Variants in IDUA observed in about 807,000 individuals in gnomAD.
IDUA encodes iduronidase alpha-L-.
Under a neutral mutation model 68.9 loss-of-function variants are expected in IDUA, and 65 were observed. That is an observed-to-expected ratio of 0.94 (90% CI 0.77 to 1.16). The LOEUF (loss-of-function observed/expected upper bound fraction) is 1.16. Among genes scored for constraint, IDUA ranks in the 50% most tolerant of loss-of-function variants. The probability of loss-of-function intolerance (pLI) is 0.00; values close to 1 mark genes in which losing one functional copy is unlikely to be tolerated. For missense variants in IDUA, 1,046 were observed against 938.0 expected, an observed-to-expected ratio of 1.12 and a Z score of -1.50; for synonymous variants, 529 against 433.6, an observed-to-expected ratio of 1.22 and a Z score of -2.73.
Position 1,004,073 on chromosome 4 carries a change from A to G in IDUA, c.1789A>G (p.Arg597Gly). 1 of 1,612,110 alleles carries G rather than the reference A, an allele frequency of 6.2e-7. No individual in the cohort carries two copies. The highest frequency in any genetic ancestry group is 8.5e-7 in the Non-Finnish European group (1 of 1,179,702). Residue 597 changes from arginine to glycine, a missense_variant, in exon 13 of 14, where the codon AGG (arginine) becomes GGG (glycine). Transcript: ENST00000514224. This position sits in a 1 kb window ranked among gnomAD's most constrained non-coding sequence, Gnocchi z 5.0. ...QDGKAYTPVS[R>G]KPSTFNLFVF... is the part of the protein sequence containing the mutation. The stretch of plus-strand genomic sequence containing the variant: ...CGGTAAGGCGTACACCCCGGTCAGC[A>G]GGAAGCCATCGACCTTCAACCTCTT...
chr4:988,839 A>G, intron 2 of IDUA: 7 of 1,594,622 alleles, frequency 4.4e-6, no homozygotes, highest in Non-Finnish European at 5.1e-6. Flanking sequence ...CCTGCTACAG[A>G]TGGGCATCGG....
At chr4:987,670 G>A in intron 1 of IDUA, 139 bp from the exon 2 acceptor site, 1 of 1,488,322 alleles carries the variant, frequency 6.7e-7, no homozygotes, top group Non-Finnish European at 9.0e-7. Flanking sequence ...CTGGCCCTAA[G>A]GGTCATTTTA....
intron 2 of IDUA, among the ~76,000 whole-genome samples, chr4:997,303 G>A (rs1714795475): frequency 8.5e-6 from 1 of 117,514 alleles, no homozygotes; most frequent in Non-Finnish European, 1.8e-5. Flanking sequence ...CGCGCCCCCA[G>A]CCCAGCGGGC....
chr4:998,858 G>A (rs1179962293), intron 2 of IDUA, among the ~76,000 whole-genome samples: 1 of 143,614 alleles, frequency 7.0e-6, no homozygotes, highest in Non-Finnish European at 1.5e-5. Flanking sequence ...CCACCACCCA[G>A]TCTGGGCACC....
Position 1,001,707 on chromosome 4 carries a change from G to A in IDUA, c.618G>A (p.Ser206=), listed in dbSNP as rs377312287. The A allele has an allele frequency of 6.3e-5, 101 of 1,599,674 alleles. No homozygotes were observed. Among genetic ancestry groups the A allele is most frequent in the Non-Finnish European group, 8.0e-5 (94 of 1,178,852 alleles). Residue 206 remains serine (S), a synonymous_variant, in exon 6 of 14, where the codon TCG becomes TCA. Coordinates refer to ENST00000514224, the MANE Select transcript of IDUA (RefSeq NM_000203.5). ...QGFLNYYDAC[S]EGLRAASPAL... ...TCCTGAACTACTACGATGCCTGCTC[G>A]GAGGGTCTGCGCGCCGCCAGCCCCG...
chr4:999,010 C>T (rs929690654), intron 2 of IDUA, among the ~76,000 whole-genome samples: 13 of 152,042 alleles, frequency 8.6e-5, no homozygotes, highest in Admixed American at 2.0e-4. Context: ...GGAAACCATC[C>T]TGGCTAACAT....
chr4:1,002,564 G>A (rs1577541728), intron 8 of IDUA, 79 bp downstream of exon 8: 3 of 1,320,012 alleles, frequency 2.3e-6, no homozygotes, highest in South Asian at 1.6e-5. Flanking sequence ...CCGCTGCGGG[G>A]AGCGCACTTC....
At position 990,025 on chromosome 4, in the gene IDUA, A is replaced by AC. The variant is rs1460829393; in HGVS notation, c.299+2077dup. The AC allele has an allele frequency of 1.6e-5, 26 of 1,591,290 alleles. 1 individual carries two copies. Among genetic ancestry groups the AC allele is most frequent in the Non-Finnish European group, 1.9e-5 (22 of 1,171,052 alleles). ...CTTGTGGAGCTGCCCGAAGTGCGACACGAGTGTGGCCACCACGATGACCAG... is the reference window on the plus strand; with the variant it reads ...CTTGTGGAGCTGCCCGAAGTGCGACACCGAGTGTGGCCACCACGATGACCAG... On this transcript the variant is annotated intron_variant, in intron 2 of 13. Transcript: ENST00000514224.
chr4:995,045 T>C (rs1269870466), intron 2 of IDUA, among the ~76,000 whole-genome samples: 2 of 148,582 alleles, frequency 1.3e-5, no homozygotes, highest in Non-Finnish European at 3.0e-5. Context: ...AGCCTACAAG[T>C]CTTTTTTTTT....
intron 2 of IDUA, chr4:988,715 G>A: frequency 7.0e-7 from 1 of 1,419,578 alleles, no homozygotes; most frequent in Non-Finnish European, 9.2e-7. Context: ...GGGCAGCTGT[G>A]GCACAAGAGT....
chr4:987,605 C>A (rs549760373), intron 1 of IDUA: 2 of 1,431,728 alleles, frequency 1.4e-6, no homozygotes, highest in Non-Finnish European at 1.8e-6. Flanking sequence ...CTGGCGTTGG[C>A]CCCTCGTCTT....
chr4:999,073 CG>C (rs1560544403), intron 2 of IDUA, among the ~76,000 whole-genome samples: 1 of 151,968 alleles, frequency 6.6e-6, no homozygotes, highest in African/African-American at 2.4e-5. Context: ...GGCGTGGTGG[CG>C]GGCGCCTGTA....
Position 1,003,408 on chromosome 4 carries a change from C to G in IDUA, c.1588C>G (p.Leu530Val), listed in dbSNP as rs749053703. ...AGGRLTLRPA[L>V]RLPSLLLVHV... is the part of the protein sequence containing the mutation. ...CGGCCGCCTGACCCTGCGCCCCGCG[C>G]TGCGGCTGCCGTCGCTTTTGCTGGT... Residue 530 changes from leucine (L) to valine (V), a missense_variant, in exon 11 of 14, where the codon CTG becomes GTG. Physicochemically the swap from Leu to Val is conservative, Grantham distance 32 (BLOSUM62 1). Coordinates refer to ENST00000514224, the MANE Select transcript of IDUA (RefSeq NM_000203.5). 6.5e-7 allele frequency: 1 copy of G among 1,526,954 alleles called. No individual in the cohort carries two copies. Among genetic ancestry groups the G allele is most frequent in the South Asian group, 1.2e-5 (1 of 83,304 alleles). The allele number at this position is 1,526,954 out of a possible 1,614,324, so 94.6% of individuals were successfully genotyped here.
chr4:995,526 G>T (rs900659662), intron 2 of IDUA, among the ~76,000 whole-genome samples: 9 of 152,186 alleles, frequency 5.9e-5, no homozygotes, highest in Admixed American at 5.9e-4. Flanking sequence ...TGGGTCCCTC[G>T]GGTGGGGCTG....
chr4:1,004,242 A>C lies in IDUA; in HGVS notation c.1829-18A>C. ...TGGGGGCAGGTTCCGGTTGGCACAC[A>C]TGTCCCCTTGTCTCCAGACACAGGT... On this transcript the variant is annotated intron_variant, in intron 13 of 13. Coordinates refer to ENST00000514224, the MANE Select transcript of IDUA (RefSeq NM_000203.5). The surrounding 1 kb of genome is among the most constrained non-coding windows in gnomAD (Gnocchi z 5.0). 1 of 1,609,484 alleles carries C rather than the reference A, an allele frequency of 6.2e-7. No individual in the cohort carries two copies. The highest frequency in any genetic ancestry group is 8.5e-7 in the Non-Finnish European group (1 of 1,179,928).
rs1189052495 is a variant in IDUA at position 1,002,716 on chromosome 4, C to T, written c.1190-16C>T. 11 of 1,409,290 alleles carry T rather than the reference C, an allele frequency of 7.8e-6. No homozygotes were observed. In the African/African-American group the frequency reaches 1.2e-4, roughly 16 times the overall value. The allele number at this position is 1,409,290 out of a possible 1,614,324, so 87.3% of individuals were successfully genotyped here. A position where few individuals can be genotyped will look rare whatever the true frequency, so the allele number is the denominator to read the frequency against. ...GCAACGACCCCACGCGGCGACGGCC[C>T]CCCCCCGCCCCGCAGATGAGGAGCA... On this transcript the variant is annotated splice_polypyrimidine_tract_variant and intron_variant, in intron 8 of 13. Coordinates refer to ENST00000514224, the MANE Select transcript of IDUA (RefSeq NM_000203.5).
intron 2 of IDUA, chr4:992,070 ACCAC>A: frequency 1.9e-6 from 1 of 534,846 alleles, no homozygotes; most frequent in African/African-American, 1.9e-5. Context: ...CTGGCTGAAA[ACCAC>A]CCTGTAGCCT....
At position 1,003,063 on chromosome 4, in the gene IDUA, A is replaced by G. The variant is rs749645656; in HGVS notation, c.1430A>G (p.Asp477Gly). 3.3e-6 allele frequency: 5 copies of G among 1,519,636 alleles called. No homozygotes were observed. The highest frequency in any genetic ancestry group is 3.5e-6 in the Non-Finnish European group (4 of 1,142,800). 94.1% of individuals were successfully genotyped at this position (1,519,636 alleles called of 1,614,324 possible). A position where few individuals can be genotyped will look rare whatever the true frequency, so the allele number is the denominator to read the frequency against. The change falls in exon 10 of 14, where the codon GAC (aspartate) becomes GGC (glycine). Residue 477 changes from aspartate (D) to glycine (G), a missense_variant. By Grantham distance (94) the Asp-to-Gly change is moderately conservative. Transcript: ENST00000514224. Reference sequence around the variant, plus strand: ...CTGGTCTACGTCACGCGCTACCTGGACAACGGGCTCTGCAGCCCCGACGGC... The same window carrying G: ...CTGGTCTACGTCACGCGCTACCTGGGCAACGGGCTCTGCAGCCCCGACGGC... Reference protein sequence around the residue: ...PGLVYVTRYLDNGLCSPDGEW... With the variant: ...PGLVYVTRYLGNGLCSPDGEW...
At position 1,001,484 on chromosome 4, in the gene IDUA, G is replaced by A. The variant is rs754039388; in HGVS notation, c.510G>A (p.Ala170=). The change falls in exon 5 of 14, where the codon GCG becomes GCA. Residue 170 remains alanine (A), a synonymous_variant. Transcript: ENST00000514224. Reference sequence around the variant, plus strand: ...CCTCTGCAGGTAGGTACGGACTGGCGCATGTTTCCAAGTGGAACTTCGAGA... The same window carrying A: ...CCTCTGCAGGTAGGTACGGACTGGCACATGTTTCCAAGTGGAACTTCGAGA... The part of the protein sequence containing the change: ...ARRYIGRYGL[A]HVSKWNFETW... 20 of 1,612,946 alleles carry A rather than the reference G, an allele frequency of 1.2e-5. No homozygotes were observed. In the Admixed American group the frequency reaches 1.8e-4, roughly 15 times the overall value.
Sources: gnomAD v4.1 joint callset for allele counts (sites outside exome capture counted in the v4.1 genomes callset) on GRCh38, gnomAD v4.1.1 for gene constraint, Gnocchi (gnomAD v3.1) non-coding constraint, MANE v1.5 for transcripts, NCBI Gene and HGNC (gene_info 2026-07-23, HGNC 2026-07-21) for gene names.